PDE11A: variants seen among roughly 807,000 people sequenced by gnomAD.
The protein encoded by PDE11A is dual 3',5'-cyclic-AMP and -GMP phosphodiesterase 11A.
In PDE11A, 100 loss-of-function variants were observed where a neutral mutation model predicts 100.5. That is an observed-to-expected ratio of 1.00 (90% CI 0.85 to 1.18). The LOEUF (loss-of-function observed/expected upper bound fraction) is 1.18. Among genes scored for constraint, PDE11A ranks in the 50% most tolerant of loss-of-function variants. The pLI is 0.00. For missense variants in PDE11A, 1,141 were observed against 1,152.6 expected, an observed-to-expected ratio of 0.99 and a Z score of 0.15; for synonymous variants, 381 against 420.8, an observed-to-expected ratio of 0.91 and a Z score of 1.16.
chr2:177,686,642 T>C lies in PDE11A; in HGVS notation c.2346-5739A>G, dbSNP rs1474125291. The stretch of plus-strand genomic sequence containing the variant: ...ATAACACATCTGGTAATGTATTTGG[T>C]CACATATAAAATAGCCAAAGAGATA... On this transcript the variant is annotated intron_variant, in intron 15 of 19. Transcript: ENST00000286063. 8 of 151,208 alleles carry C rather than the reference T, an allele frequency of 5.3e-5. No homozygotes were observed. In the East Asian group the frequency reaches 1.4e-3, roughly 26 times the overall value. 9.4% of individuals were successfully genotyped at this position (151,208 alleles called of 1,614,324 possible). A position where few individuals can be genotyped will look rare whatever the true frequency, so the allele number is the denominator to read the frequency against.
At chr2:177,664,068 ACAAT>A (rs1426584356) in intron 18 of PDE11A, 119 bp from the exon 19 acceptor site, 1 of 696,024 alleles carries the variant, frequency 1.4e-6, no homozygotes, top group Non-Finnish European at 2.6e-6. Flanking sequence ...TTCGCAAATC[ACAAT>A]CAATCTTTAC....
chr2:177,965,775 A>G (rs1439966903), intron 2 of PDE11A, among the ~76,000 whole-genome samples: 2 of 152,074 alleles, frequency 1.3e-5, no homozygotes, highest in African/African-American at 4.8e-5. Context: ...TGTCATATAG[A>G]TTAAAGTCAG....
At chr2:177,689,537 A>G (rs931693080) in intron 15 of PDE11A, among the ~76,000 whole-genome samples, 1 of 152,170 alleles carries the variant, frequency 6.6e-6, no homozygotes, top group Non-Finnish European at 1.5e-5. Flanking sequence ...CAGATTCTAG[A>G]GAGATTTCTG....
At chr2:177,792,625 T>A (rs909251565) in intron 9 of PDE11A, among the ~76,000 whole-genome samples, 1 of 152,152 alleles carries the variant, frequency 6.6e-6, no homozygotes, top group Non-Finnish European at 1.5e-5. Flanking sequence ...TCAGGCCTAG[T>A]TTGGGCCACT....
At chr2:178,057,587 T>G (rs1047343362) in intron 1 of PDE11A, among the ~76,000 whole-genome samples, 1 of 152,198 alleles carries the variant, frequency 6.6e-6, no homozygotes, top group Non-Finnish European at 1.5e-5. Context: ...GCAGAATACA[T>G]TTTCTTTGCT....
chr2:178,020,276 C>G (rs2086390827), intron 1 of PDE11A, among the ~76,000 whole-genome samples: 1 of 152,184 alleles, frequency 6.6e-6, no homozygotes. Context: ...ATCTGCATCT[C>G]TGGAGAAGGG....
rs1266920019 is a variant in PDE11A, at chr2:177,953,388, A to G, written c.1072-48201T>C. 3 of 152,192 alleles carry G rather than the reference A, an allele frequency of 2.0e-5. No homozygotes were observed. In the East Asian group the frequency reaches 5.8e-4, roughly 29 times the overall value. 9.4% of individuals were successfully genotyped at this position (152,192 alleles called of 1,614,324 possible). A position where few individuals can be genotyped will look rare whatever the true frequency, so the allele number is the denominator to read the frequency against. On this transcript the variant is annotated intron_variant, in intron 2 of 19. Transcript: ENST00000286063. ...TTCATCATAATATATTCACAAAGAA[A>G]AACTGAGAAATCCCTTAGCCAGAAG...
At chr2:177,885,395 T>A (rs1574251157) in intron 4 of PDE11A, among the ~76,000 whole-genome samples, 2 of 152,192 alleles carry the variant, frequency 1.3e-5, no homozygotes, top group South Asian at 4.1e-4. Flanking sequence ...CAGGGCTGAC[T>A]GCAGGACTTG....
chr2:177,750,199 T>G (rs1006322445), intron 10 of PDE11A, among the ~76,000 whole-genome samples: 4 of 152,204 alleles, frequency 2.6e-5, no homozygotes, highest in Non-Finnish European at 5.9e-5. Context: ...GCTCTCTGAG[T>G]GTCTCTGGGT....
intron 4 of PDE11A, among the ~76,000 whole-genome samples, chr2:177,879,528 T>C (rs1009539424): frequency 6.6e-6 from 1 of 152,248 alleles, no homozygotes; most frequent in Non-Finnish European, 1.5e-5. Flanking sequence ...TCTGCAGTTA[T>C]GGAGCTTGCT....
At chr2:177,736,853 C>A (rs1427315726) in intron 10 of PDE11A, among the ~76,000 whole-genome samples, 1 of 152,160 alleles carries the variant, frequency 6.6e-6, no homozygotes, top group East Asian at 1.9e-4. Flanking sequence ...GCATCCAGCA[C>A]CTCAACCACT....
chr2:178,036,555 G>T (rs2086616932), intron 1 of PDE11A, among the ~76,000 whole-genome samples: 2 of 151,822 alleles, frequency 1.3e-5, no homozygotes, highest in Non-Finnish European at 2.9e-5. Context: ...AAAAGAACCT[G>T]TATAGCCAAG....
At chr2:177,676,789 T>C (rs2080782585) in intron 16 of PDE11A, among the ~76,000 whole-genome samples, 1 of 152,238 alleles carries the variant, frequency 6.6e-6, no homozygotes, top group Non-Finnish European at 1.5e-5. Flanking sequence ...AGTGCTTTAC[T>C]AACCAACTGC....
chr2:177,726,479 A>C (rs1037804721), intron 12 of PDE11A, among the ~76,000 whole-genome samples: 1 of 152,098 alleles, frequency 6.6e-6, no homozygotes, highest in South Asian at 2.1e-4. Context: ...CTATAGGAGG[A>C]TGACAGATTT....
intron 10 of PDE11A, among the ~76,000 whole-genome samples, chr2:177,734,565 T>A (rs2105455752): frequency 6.6e-6 from 1 of 152,262 alleles, no homozygotes; most frequent in South Asian, 2.1e-4. Context: ...TGCCATTCAT[T>A]AAATTTGCCT....
intron 1 of PDE11A, among the ~76,000 whole-genome samples, chr2:178,067,497 T>C (rs1041170787): frequency 6.6e-6 from 1 of 152,190 alleles, no homozygotes; most frequent in Non-Finnish European, 1.5e-5. Context: ...TTATGCTTGG[T>C]CATCACTGTG....
chr2:177,686,373 C>T (rs1218820390), intron 15 of PDE11A, among the ~76,000 whole-genome samples: 1 of 152,080 alleles, frequency 6.6e-6, no homozygotes, highest in Admixed American at 6.6e-5. Context: ...TGGAGACCAG[C>T]CTTAGCAACA....
upstream of PDE11A, among the ~76,000 whole-genome samples, chr2:178,073,848 T>A (rs916358602): frequency 2.6e-5 from 4 of 152,018 alleles, no homozygotes; most frequent in Non-Finnish European, 5.9e-5. Flanking sequence ...ATCATGGAGT[T>A]TGCAATCAGT....
intron 9 of PDE11A, among the ~76,000 whole-genome samples, chr2:177,810,071 C>T (rs922241628): frequency 6.7e-6 from 1 of 149,474 alleles, no homozygotes; most frequent in Non-Finnish European, 1.5e-5. Context: ...CTACCATCCT[C>T]CCCAAATAAA....
Sources: gnomAD v4.1 joint callset for allele counts (sites outside exome capture counted in the v4.1 genomes callset) on GRCh38, gnomAD v4.1.1 for gene constraint, MANE v1.5 for transcripts, NCBI Gene and HGNC (gene_info 2026-07-23, HGNC 2026-07-21) for gene names.